The following VSTM2B variants were observed in gnomAD, a reference collection of about 807,000 sequenced individuals.
The protein encoded by VSTM2B is V-set and transmembrane domain containing 2B.
A neutral mutation model predicts 24.0 loss-of-function variants in VSTM2B; 24 were observed. The observed-to-expected ratio is 1.00, with a 90% CI of 0.72 to 1.40. The LOEUF (loss-of-function observed/expected upper bound fraction) is 1.40, where lower values mean the gene tolerates loss of function less well. VSTM2B is among the 40% of genes most tolerant of loss of function. The pLI is 0.00. For missense variants in VSTM2B, 399 were observed against 416.4 expected (o/e 0.96, Z 0.36); for synonymous variants, 226 against 194.4 (o/e 1.16, Z -1.35).
intron 4 of VSTM2B, among the ~76,000 whole-genome samples, chr19:29,546,147 C>T (rs1349668414): frequency 1.3e-5 from 2 of 152,062 alleles, no homozygotes; most frequent in South Asian, 4.2e-4. Context: ...GATGGGTGAG[C>T]TTGAAAGAGC....
At position 29,527,841 on chromosome 19, in the gene VSTM2B, C is replaced by A. The variant is rs574857151; in HGVS notation, c.267+446C>A. Among the ~76,000 whole-genome samples, 9 of 152,270 alleles carry A rather than the reference C, an allele frequency of 5.9e-5. No individual in the cohort carries two copies. In the East Asian group the frequency reaches 7.7e-4, roughly 13 times the overall value. On this transcript the variant is annotated intron_variant, in intron 2 of 4. Coordinates refer to ENST00000335523, the MANE Select transcript of VSTM2B (RefSeq NM_001146339.2). ...ACCGGAAAGCCGGCAGGACCTCCAG[C>A]CCTCAGGGGCACAGAGGGGCCACTT...
chr19:29,527,402 C>T lies in VSTM2B; in HGVS notation c.267+7C>T. 2.0e-6 allele frequency: 3 copies of T among 1,516,186 alleles called. No homozygotes were observed. Among genetic ancestry groups the T allele is most frequent in the Non-Finnish European group, 2.6e-6 (3 of 1,134,566 alleles). The allele number at this position is 1,516,186 out of a possible 1,614,324, so 93.9% of individuals were successfully genotyped here. On this transcript the variant is annotated splice_region_variant and intron_variant, in intron 2 of 4. Transcript: ENST00000335523. ...GCCGGGCGCCCGGAGCAAGGTAACCCGCCGCCCACGCGGTACCGGCGCGCG... is the reference window on the plus strand; with the variant it reads ...GCCGGGCGCCCGGAGCAAGGTAACCTGCCGCCCACGCGGTACCGGCGCGCG...
rs1468668131 is a variant in VSTM2B, at chr19:29,528,441, T to C, written c.276T>C (p.Asn92=). The C allele has an allele frequency of 3.2e-6, 5 of 1,551,100 alleles. No homozygotes were observed. In the Admixed American group the frequency reaches 5.9e-5, roughly 18 times the overall value. The change falls in exon 3 of 5, where the codon AAT becomes AAC. Residue 92 remains asparagine (N), a synonymous_variant. Transcript: ENST00000335523. The part of the protein sequence containing the change: ...SVPGARSKVT[N]KDATKISTVR... ...CCCTCTTTGCATTTTAGGTAACAAA[T>C]AAGGATGCAACTAAAATCAGCGTAA...
chr19:29,526,762 C>T lies in VSTM2B; in HGVS notation c.82+97C>T. The T allele has an allele frequency of 8.3e-7, 1 of 1,204,492 alleles. No homozygotes were observed. Among genetic ancestry groups the T allele is most frequent in the Non-Finnish European group, 1.2e-6 (1 of 867,462 alleles). The allele number at this position is 1,204,492 out of a possible 1,614,324, so 74.6% of individuals were successfully genotyped here. Reference sequence around the variant, plus strand: ...AGAAAGAGAACGAACCGGGAAGCTTCGCGGTCTCCAGCAATCCCGCTGTGC... The same window carrying T: ...AGAAAGAGAACGAACCGGGAAGCTTTGCGGTCTCCAGCAATCCCGCTGTGC... On this transcript the variant is annotated intron_variant, in intron 1 of 4. Coordinates refer to ENST00000335523, the MANE Select transcript of VSTM2B (RefSeq NM_001146339.2). This position sits in a 1 kb window ranked among gnomAD's most constrained non-coding sequence, Gnocchi z 4.1.
intron 4 of VSTM2B, among the ~76,000 whole-genome samples, chr19:29,551,463 G>A (rs527754183): frequency 1.3e-5 from 2 of 152,024 alleles, no homozygotes; most frequent in African/African-American, 2.4e-5. Context: ...ATGGTGGGGT[G>A]GGGGGCAGGG....
chr19:29,530,334 G>A (rs1969718539), intron 4 of VSTM2B, 44 bp downstream of exon 4: 2 of 1,439,550 alleles, frequency 1.4e-6, no homozygotes, highest in Non-Finnish European at 1.8e-6. Context: ...GGATGGCGCA[G>A]GGCTAGGGCT....
intron 4 of VSTM2B, among the ~76,000 whole-genome samples, chr19:29,539,813 G>A (rs796437061): frequency 5.3e-5 from 8 of 152,194 alleles, no homozygotes; most frequent in Admixed American, 2.6e-4. Flanking sequence ...GCAGGCTGCC[G>A]GCCAGGCCAG....
Position 29,529,908 on chromosome 19 carries a change from G to A in VSTM2B, c.387G>A (p.Val129=). The A allele has an allele frequency of 1.3e-6, 2 of 1,550,374 alleles. No homozygotes were observed. The highest frequency in any genetic ancestry group is 2.4e-5 in the East Asian group (1 of 40,906). Residue 129 remains valine, a synonymous_variant, in exon 4 of 5, where the codon GTG becomes GTA. Coordinates refer to ENST00000335523, the MANE Select transcript of VSTM2B (RefSeq NM_001146339.2). ...LQDEGVYECR[V]SDYSDDDTQE... ...ACGAGGGCGTGTACGAGTGCCGCGT[G>A]TCGGACTACAGCGACGACGACACGC...
At chr19:29,527,491 C>G (rs1969613012) in intron 2 of VSTM2B, 96 bp downstream of exon 2, 20 of 1,151,412 alleles carry the variant, frequency 1.7e-5, no homozygotes, top group Non-Finnish European at 2.3e-5. Context: ...TTCACTCGCG[C>G]AGGGCGCCGC....
At chr19:29,562,332 G>C (rs1025954960) in intron 4 of VSTM2B, among the ~76,000 whole-genome samples, 13 of 152,218 alleles carry the variant, frequency 8.5e-5, no homozygotes, top group African/African-American at 2.9e-4. Context: ...TACCTGGAGA[G>C]AGGAGAGCTG....
intron 4 of VSTM2B, among the ~76,000 whole-genome samples, chr19:29,552,463 C>T (rs1041207262): frequency 3.3e-5 from 5 of 152,162 alleles, no homozygotes; most frequent in African/African-American, 9.7e-5. Flanking sequence ...ACCTGGGAGC[C>T]GCATGGGGCA....
At chr19:29,558,845 A>G (rs1000290089) in intron 4 of VSTM2B, among the ~76,000 whole-genome samples, 1 of 152,250 alleles carries the variant, frequency 6.6e-6, no homozygotes, top group Non-Finnish European at 1.5e-5. Context: ...CACATCATGC[A>G]CAAGTGTCCC....
At chr19:29,537,983 T>TAG (rs958845703) in intron 4 of VSTM2B, among the ~76,000 whole-genome samples, 1 of 152,166 alleles carries the variant, frequency 6.6e-6, no homozygotes, top group Non-Finnish European at 1.5e-5. Context: ...CGGAGGAAGT[T>TAG]ACACTCACCA....
Position 29,526,181 on chromosome 19 carries a change from G to A in VSTM2B, c.-403G>A, listed in dbSNP as rs1002872484. Among the ~76,000 whole-genome samples, 3 of 152,046 alleles carry A rather than the reference G, an allele frequency of 2.0e-5. No homozygotes were observed. Among genetic ancestry groups the A allele is most frequent in the African/African-American group, 7.2e-5 (3 of 41,424 alleles). Reference sequence around the variant, plus strand: ...TCGGGAGCAGAACCAGAAGGAGACAGGGAGGCAGAAGCTCGCGGCTCCGTG... The same window carrying A: ...TCGGGAGCAGAACCAGAAGGAGACAAGGAGGCAGAAGCTCGCGGCTCCGTG... On this transcript the variant is annotated 5_prime_UTR_variant, in exon 1 of 5. Coordinates refer to ENST00000335523, the MANE Select transcript of VSTM2B (RefSeq NM_001146339.2). The surrounding 1 kb of genome is among the most constrained non-coding windows in gnomAD (Gnocchi z 4.1).
chr19:29,547,611 C>T (rs138103356), intron 4 of VSTM2B, among the ~76,000 whole-genome samples: 60 of 152,242 alleles, frequency 3.9e-4, no homozygotes, highest in Middle Eastern at 3.4e-3. Context: ...AGCCCTCTGA[C>T]GCATGGGCTT....
chr19:29,542,455 T>C (rs1970044173), intron 4 of VSTM2B, among the ~76,000 whole-genome samples: 1 of 150,998 alleles, frequency 6.6e-6, no homozygotes, highest in South Asian at 2.1e-4. Context: ...GATGGGTTGA[T>C]GGTTGGGAGA....
chr19:29,539,589 T>C lies in VSTM2B; in HGVS notation c.769+9299T>C, dbSNP rs560239826. Among the ~76,000 whole-genome samples, 3 of 152,266 alleles carry C rather than the reference T, an allele frequency of 2.0e-5. No homozygotes were observed. The South Asian group carries it at 6.2e-4, about 32-fold the overall frequency. On this transcript the variant is annotated intron_variant, in intron 4 of 4. Coordinates refer to ENST00000335523, the MANE Select transcript of VSTM2B (RefSeq NM_001146339.2). ...GGAGTGCCCCACAGGGATGGGCCTT[T>C]TGGGGACTCACGCCACCGTTACAGG...
intron 4 of VSTM2B, among the ~76,000 whole-genome samples, chr19:29,548,564 G>A (rs117700104): frequency 6.6e-6 from 1 of 152,290 alleles, no homozygotes; most frequent in East Asian, 1.9e-4. Context: ...CATCAACAAG[G>A]GAGGCAGCCT....
chr19:29,545,407 G>A (rs1168820290), intron 4 of VSTM2B, among the ~76,000 whole-genome samples: 1 of 152,196 alleles, frequency 6.6e-6, no homozygotes, highest in East Asian at 1.9e-4. Context: ...GAGGTCAGGA[G>A]TTTGAGACCA....
Sources: allele counts gnomAD v4.1 joint callset (sites outside exome capture counted in the v4.1 genomes callset), GRCh38; gene constraint gnomAD v4.1.1; non-coding constraint Gnocchi (gnomAD v3.1); transcripts MANE v1.5; gene names NCBI Gene and HGNC (gene_info 2026-07-23, HGNC 2026-07-21).